ZDHHC21: variants seen among roughly 807,000 people sequenced by gnomAD.
ZDHHC21 encodes the protein zDHHC palmitoyltransferase 21.
A neutral mutation model predicts 34.6 loss-of-function variants in ZDHHC21; 15 were observed. That is an observed-to-expected ratio of 0.43 (90% CI 0.29 to 0.67). ZDHHC21 has a LOEUF of 0.67. Among genes scored for constraint, ZDHHC21 ranks in the 30% least tolerant of loss-of-function variants. ZDHHC21 has a pLI of 0.14. For missense variants in ZDHHC21, 344 were observed against 327.7 expected (o/e 1.05, Z -0.38); for synonymous variants, 142 against 101.8 (o/e 1.40, Z -2.38).
At chr9:14,639,158 A>G (rs1263874211) in intron 8 of ZDHHC21, among the ~76,000 whole-genome samples, 1 of 152,144 alleles carries the variant, frequency 6.6e-6, no homozygotes, top group East Asian at 1.9e-4. Context: ...TATATACACA[A>G]TGGAATAATA....
the ZDHHC21 span, among the ~76,000 whole-genome samples, chr9:14,599,117 T>C: frequency 6.6e-6 from 1 of 152,188 alleles, no homozygotes; most frequent in African/African-American, 2.4e-5. Context: ...TGATTCTCTC[T>C]TGCTGCCACC....
chr9:14,642,536 AAGC>A (rs2133739422), intron 7 of ZDHHC21, among the ~76,000 whole-genome samples: 1 of 152,318 alleles, frequency 6.6e-6, no homozygotes, highest in Admixed American at 6.5e-5. Context: ...AAAGCCTTTA[AAGC>A]AGTGACTAAA....
intron 8 of ZDHHC21, among the ~76,000 whole-genome samples, chr9:14,638,694 A>G (rs979407108): frequency 6.6e-6 from 1 of 152,108 alleles, no homozygotes; most frequent in Non-Finnish European, 1.5e-5. Flanking sequence ...GGTACCATTA[A>G]AAAGTGGGCA....
intron 4 of ZDHHC21, 151 bp from the exon 5 acceptor site, chr9:14,673,079 A>G (rs970044594): frequency 4.1e-6 from 2 of 484,036 alleles, no homozygotes; most frequent in African/African-American, 1.9e-5. Context: ...GATTTCACTC[A>G]CCAAATAACA....
At chr9:14,592,184 T>A in the ZDHHC21 span, among the ~76,000 whole-genome samples, 1 of 152,088 alleles carries the variant, frequency 6.6e-6, no homozygotes, top group Non-Finnish European at 1.5e-5. Context: ...ATTCCTCTAT[T>A]GATTTTAAGC....
At position 14,662,207 on chromosome 9, in the gene ZDHHC21, A is replaced by C. The variant is rs2133947020; in HGVS notation, c.365+8T>G. On this transcript the variant is annotated splice_region_variant and intron_variant, in intron 6 of 9. Coordinates refer to ENST00000380916, the MANE Select transcript of ZDHHC21 (RefSeq NM_178566.6). ...CTCTTTTCTTTGCTAGAAGTGAATTATTCTTACCATGGACAGTGATGATCC... is the reference window on the plus strand; with the variant it reads ...CTCTTTTCTTTGCTAGAAGTGAATTCTTCTTACCATGGACAGTGATGATCC... 6.3e-7 allele frequency: 1 copy of C among 1,582,780 alleles called. No homozygotes were observed. Among genetic ancestry groups the C allele is most frequent in the East Asian group, 2.2e-5 (1 of 44,536 alleles).
chr9:14,664,000 GA>G (rs1833889482), intron 5 of ZDHHC21, among the ~76,000 whole-genome samples: 1 of 152,136 alleles, frequency 6.6e-6, no homozygotes, highest in African/African-American at 2.4e-5. Context: ...AATTCGGGGG[GA>G]GGAGCCAAGA....
At chr9:14,672,733 T>G in intron 5 of ZDHHC21, 97 bp downstream of exon 5, 1 of 792,858 alleles carries the variant, frequency 1.3e-6, no homozygotes, top group South Asian at 2.5e-5. Flanking sequence ...TGGTGTTAGA[T>G]GACATTTATA....
intron 8 of ZDHHC21, among the ~76,000 whole-genome samples, chr9:14,629,427 T>C (rs1564220735): frequency 6.6e-6 from 1 of 152,076 alleles, no homozygotes; most frequent in East Asian, 1.9e-4. Context: ...AAACCATAAA[T>C]AACTTACAGA....
the ZDHHC21 span, among the ~76,000 whole-genome samples, chr9:14,600,447 A>C: frequency 2.6e-5 from 4 of 152,160 alleles, no homozygotes; most frequent in African/African-American, 9.7e-5. Flanking sequence ...ACTTACAAGG[A>C]ATGTGAAGGA....
intron 2 of ZDHHC21, among the ~76,000 whole-genome samples, chr9:14,681,730 GGTGTGTGTGT>G (rs34935934): frequency 6.7e-6 from 1 of 148,466 alleles, no homozygotes; most frequent in Non-Finnish European, 1.5e-5. Flanking sequence ...TAAGGGGAAT[GGTGTGTGTGT>G]GTGTGTGTGT....
chr9:14,685,853 C>G (rs1838221515), intron 2 of ZDHHC21, among the ~76,000 whole-genome samples: 1 of 152,182 alleles, frequency 6.6e-6, no homozygotes, highest in African/African-American at 2.4e-5. Context: ...GCACATTATA[C>G]ACCATGGAAT....
chr9:14,644,886 GTTTC>G (rs1453611179), intron 7 of ZDHHC21, among the ~76,000 whole-genome samples: 9 of 151,752 alleles, frequency 5.9e-5, no homozygotes, highest in African/African-American at 1.2e-4. Context: ...TTGCTAAGCT[GTTTC>G]TTTATTTCAT....
chr9:14,620,806 A>T (rs1825175099), intron 8 of ZDHHC21, among the ~76,000 whole-genome samples: 1 of 152,050 alleles, frequency 6.6e-6, no homozygotes, highest in Non-Finnish European at 1.5e-5. Context: ...ACTAATAACC[A>T]ACAACATAGT....
chr9:14,601,761 G>A, the ZDHHC21 span, among the ~76,000 whole-genome samples: 5,921 of 152,220 alleles, frequency 0.039, 420 homozygotes, highest in African/African-American at 0.14. Context: ...GTGCATCAAT[G>A]ATAGACTGGA....
chr9:14,630,798 G>A (rs1018672682), intron 8 of ZDHHC21, among the ~76,000 whole-genome samples: 3 of 152,306 alleles, frequency 2.0e-5, no homozygotes, highest in Non-Finnish European at 4.4e-5. Flanking sequence ...CATTGTCAAT[G>A]AGCAGTAATA....
At chr9:14,678,052 C>A (rs1383410542) in intron 3 of ZDHHC21, among the ~76,000 whole-genome samples, 1 of 152,086 alleles carries the variant, frequency 6.6e-6, no homozygotes, top group Non-Finnish European at 1.5e-5. Flanking sequence ...GATATTCCAT[C>A]CATGCCTCCT....
At chr9:14,684,062 A>T (rs10961663) in intron 2 of ZDHHC21, among the ~76,000 whole-genome samples, 1 of 151,836 alleles carries the variant, frequency 6.6e-6, no homozygotes, top group Non-Finnish European at 1.5e-5. Flanking sequence ...CAAAATAATC[A>T]GAGCTATTTA....
At chr9:14,688,256 G>A (rs1475857919) in intron 2 of ZDHHC21, among the ~76,000 whole-genome samples, 1 of 150,910 alleles carries the variant, frequency 6.6e-6, no homozygotes, top group Non-Finnish European at 1.5e-5. Context: ...CACAGTTGCT[G>A]TCACGCTTAA....
Sources: gnomAD v4.1 joint callset for allele counts (sites outside exome capture counted in the v4.1 genomes callset) on GRCh38, gnomAD v4.1.1 for gene constraint, MANE v1.5 for transcripts, NCBI Gene and HGNC (gene_info 2026-07-23, HGNC 2026-07-21) for gene names.